Variants in ABCG1 observed in about 807,000 individuals in gnomAD.
The protein encoded by ABCG1 is ATP binding cassette subfamily G member 1.
A neutral mutation model predicts 69.2 loss-of-function variants in ABCG1; 29 were observed. The observed-to-expected ratio is 0.42, with a 90% CI of 0.31 to 0.57. The LOEUF is 0.57. ABCG1 is among the 20% of genes least tolerant of loss of function. The pLI, the probability that ABCG1 is intolerant of heterozygous loss-of-function variation, is 0.15. For synonymous variants in ABCG1, 370 were observed against 374.8 expected (o/e 0.99, Z 0.15); for missense variants, 718 against 898.1 (o/e 0.80, Z 2.56).
At chr21:42,237,480 G>C (rs764422724) in intron 2 of ABCG1, among the ~76,000 whole-genome samples, 1 of 152,114 alleles carries the variant, frequency 6.6e-6, no homozygotes, top group Non-Finnish European at 1.5e-5. Flanking sequence ...GTTACTCTTC[G>C]TACTCCTCTG....
upstream of ABCG1, among the ~76,000 whole-genome samples, chr21:42,215,077 T>G (rs1022868810): frequency 6.6e-6 from 1 of 152,206 alleles, no homozygotes; most frequent in African/African-American, 2.4e-5. Flanking sequence ...CAGACCAGCC[T>G]CGGCCCAGGT....
chr21:42,256,246 A>T (rs1403827358), intron 2 of ABCG1: 2 of 1,474,746 alleles, frequency 1.4e-6, no homozygotes, highest in Admixed American at 2.4e-5. Context: ...TAGCAGTGCA[A>T]CAGACAGAAC....
At chr21:42,203,190 T>G (rs78735813) in intron 2 of ABCG1, among the ~76,000 whole-genome samples, 2,737 of 152,322 alleles carry the variant, frequency 0.018, 84 homozygotes, top group African/African-American at 0.062. Context: ...TGAAAGTTCT[T>G]CAGGCATTAT....
chr21:42,265,177 C>T (rs148012742), intron 2 of ABCG1, among the ~76,000 whole-genome samples: 65 of 152,320 alleles, frequency 4.3e-4, no homozygotes, highest in Non-Finnish European at 7.9e-4. Flanking sequence ...CAGGCCCTCA[C>T]GTCCCTCATT....
Position 42,296,030 on chromosome 21 carries a change from T to C in ABCG1, c.1773-134T>C. 1 of 685,628 alleles carries C rather than the reference T, an allele frequency of 1.5e-6. No homozygotes were observed. Among genetic ancestry groups the C allele is most frequent in the African/African-American group, 1.8e-5 (1 of 56,842 alleles). 42.5% of individuals were successfully genotyped at this position (685,628 alleles called of 1,614,324 possible). ...GGTGGTGGGCGGTGAGGAAGTATTC[T>C]GGGGAAGGCGGCCCTTTGGGAAGGG... On this transcript the variant is annotated intron_variant, in intron 14 of 14. Coordinates refer to ENST00000398449, the MANE Select transcript of ABCG1 (RefSeq NM_016818.3). This position sits in a 1 kb window ranked among gnomAD's most constrained non-coding sequence, Gnocchi z 5.4.
chr21:42,279,260 G>C (rs1179994833), intron 5 of ABCG1, among the ~76,000 whole-genome samples: 1 of 152,164 alleles, frequency 6.6e-6, no homozygotes, highest in East Asian at 1.9e-4. Context: ...GCTCTGGAGA[G>C]GGAGGCGCTG....
chr21:42,287,424 C>A lies in ABCG1; in HGVS notation c.974-465C>A, dbSNP rs2068962808. ...CTCCAAGTCCCCAGGGTGCCAGCCA[C>A]TCATGTGGCGATGGGCACGTCCTTC... On this transcript the variant is annotated intron_variant, in intron 8 of 14. Coordinates refer to ENST00000398449, the MANE Select transcript of ABCG1 (RefSeq NM_016818.3). The surrounding 1 kb of genome is among the most constrained non-coding windows in gnomAD (Gnocchi z 6.2). Among the ~76,000 whole-genome samples the A allele has an allele frequency of 1.3e-5, 2 of 152,190 alleles. No homozygotes were observed.
At chr21:42,284,840 G>A (rs527562145) in intron 7 of ABCG1, among the ~76,000 whole-genome samples, 157 bp downstream of exon 7, 4 of 147,282 alleles carry the variant, frequency 2.7e-5, no homozygotes, top group South Asian at 2.1e-4. Flanking sequence ...AGCTCATGGG[G>A]CATCTTCATG....
intron 2 of ABCG1, among the ~76,000 whole-genome samples, chr21:42,235,090 G>C (rs1409118280): frequency 6.6e-6 from 1 of 152,230 alleles, no homozygotes; most frequent in Non-Finnish European, 1.5e-5. Flanking sequence ...GGCGCCCCGC[G>C]CGTGCTGGTG....
At chr21:42,259,795 G>T (rs551898189) in intron 2 of ABCG1, among the ~76,000 whole-genome samples, 51 of 152,244 alleles carry the variant, frequency 3.3e-4, no homozygotes, top group Non-Finnish European at 4.6e-4. Context: ...CAGAGGTGGG[G>T]TGTTTTCTCA....
chr21:42,219,788 G>C lies in ABCG1; in HGVS notation c.42+484G>C. ...CAGGAACGCCAGGCAAGGTCTGGGG[G>C]AACAAAAGAGGAAGCTGCCCCCAGA... On this transcript the variant is annotated intron_variant, in intron 1 of 14. Coordinates refer to ENST00000398449, the MANE Select transcript of ABCG1 (RefSeq NM_016818.3). This position sits in a 1 kb window ranked among gnomAD's most constrained non-coding sequence, Gnocchi z 5.3. The C allele has an allele frequency of 7.0e-7, 1 of 1,423,238 alleles. No homozygotes were observed. Among genetic ancestry groups the C allele is most frequent in the Non-Finnish European group, 9.2e-7 (1 of 1,091,020 alleles). 88.2% of individuals were successfully genotyped at this position (1,423,238 alleles called of 1,614,324 possible).
chr21:42,256,512 G>T (rs572363911), intron 2 of ABCG1: 5 of 1,549,494 alleles, frequency 3.2e-6, no homozygotes, highest in South Asian at 1.2e-5. Context: ...GGTCACCTGC[G>T]TGCCTGGGTG....
chr21:42,241,619 AC>A (rs1237807733), intron 2 of ABCG1, among the ~76,000 whole-genome samples: 5 of 103,100 alleles, frequency 4.8e-5, no homozygotes, highest in Non-Finnish European at 9.5e-5. Flanking sequence ...AAAAAAAATA[AC>A]AAAAAAAAAA....
intron 4 of ABCG1, among the ~76,000 whole-genome samples, chr21:42,274,506 G>A (rs1436955340): frequency 1.5e-5 from 2 of 130,560 alleles, no homozygotes; most frequent in Non-Finnish European, 3.1e-5. Flanking sequence ...ACAGAGTCTC[G>A]CTCTGTCACC....
At chr21:42,225,211 A>G (rs2067796125) in intron 1 of ABCG1, among the ~76,000 whole-genome samples, 1 of 152,216 alleles carries the variant, frequency 6.6e-6, no homozygotes, top group Non-Finnish European at 1.5e-5. Flanking sequence ...ATTGCTCCTG[A>G]GACATTTTTA....
At chr21:42,211,620 C>T (rs1202158582), upstream of ABCG1, among the ~76,000 whole-genome samples, 1 of 152,076 alleles carries the variant, frequency 6.6e-6, no homozygotes, top group Non-Finnish European at 1.5e-5. Flanking sequence ...TGGCTCATGC[C>T]TGTAATCCCA....
intron 13 of ABCG1, 69 bp from the exon 14 acceptor site, chr21:42,294,473 G>A: frequency 7.7e-7 from 1 of 1,294,108 alleles, no homozygotes; most frequent in Non-Finnish European, 1.1e-6. Flanking sequence ...GCTGGCGTGG[G>A]CGAGCCTCCT....
intron 2 of ABCG1, among the ~76,000 whole-genome samples, chr21:42,207,785 C>A (rs1227367153): frequency 6.6e-6 from 1 of 152,208 alleles, no homozygotes; most frequent in African/African-American, 2.4e-5. Flanking sequence ...ACCTCCCTAG[C>A]TGGGGGAGGT....
chr21:42,215,752 T>C (rs186738468), upstream of ABCG1, among the ~76,000 whole-genome samples: 1 of 152,306 alleles, frequency 6.6e-6, no homozygotes. Flanking sequence ...CTGGAAAGAA[T>C]GTTGTTGCCA....
Sources: gnomAD v4.1 joint callset for allele counts (sites outside exome capture counted in the v4.1 genomes callset) on GRCh38, gnomAD v4.1.1 for gene constraint, Gnocchi (gnomAD v3.1) non-coding constraint, MANE v1.5 for transcripts, NCBI Gene and HGNC (gene_info 2026-07-23, HGNC 2026-07-21) for gene names.